Variants in SNRPA observed in about 807,000 individuals in gnomAD.
SNRPA encodes U1 small nuclear ribonucleoprotein A.
SNRPA carries 10 observed loss-of-function variants against 24.5 expected under a neutral mutation model. The ratio of observed to expected loss-of-function variants is 0.41; its 90% CI spans 0.25 to 0.69. The LOEUF (loss-of-function observed/expected upper bound fraction) is 0.69, where lower values mean the gene tolerates loss of function less well. Among genes scored for constraint, SNRPA ranks in the 30% least tolerant of loss-of-function variants. SNRPA has a pLI of 0.33. For missense variants in SNRPA, 283 were observed against 394.7 expected (o/e 0.72, Z 2.40); for synonymous variants, 165 against 148.4 (o/e 1.11, Z -0.81).
chr19:40,752,229 C>T (rs901788721), intron 1 of SNRPA, among the ~76,000 whole-genome samples: 29 of 151,610 alleles, frequency 1.9e-4, no homozygotes, highest in Admixed American at 3.9e-4. Context: ...CCCAGCTACT[C>T]GGGAGGCTGA....
At position 40,762,933 on chromosome 19, in the gene SNRPA, T is replaced by G. The variant is rs2082938892; in HGVS notation, c.459T>G (p.Ile153Met). 6.2e-7 allele frequency: 1 copy of G among 1,613,730 alleles called. No individual in the cohort carries two copies. Among genetic ancestry groups the G allele is most frequent in the African/African-American group, 1.3e-5 (1 of 74,894 alleles). ...CGCCGATGACTCAGGCGCCCCGCAT[T>G]ATGCACCACATGCCGGGCCAGCCGC... ...GMPPMTQAPR[I>M]MHHMPGQPPY... The change falls in exon 4 of 6, where the codon ATT becomes ATG. Residue 153 changes from isoleucine (I) to methionine (M), a missense_variant. By Grantham distance (10) the Ile-to-Met change is conservative (BLOSUM62 1). This residue lies in a region of SNRPA where 167 missense variants were observed against 174.3 expected (regional missense o/e 0.96). Coordinates refer to ENST00000243563, the MANE Select transcript of SNRPA (RefSeq NM_004596.5).
At chr19:40,752,294 G>A (rs1014894259) in intron 1 of SNRPA, among the ~76,000 whole-genome samples, 56 of 150,960 alleles carry the variant, frequency 3.7e-4, no homozygotes, top group African/African-American at 1.2e-3. Context: ...CCGAGATTGC[G>A]CCATTGAACT....
intron 3 of SNRPA, among the ~76,000 whole-genome samples, chr19:40,760,277 T>C (rs1047421554): frequency 8.5e-5 from 13 of 152,180 alleles, no homozygotes; most frequent in Admixed American, 7.9e-4. Flanking sequence ...AGTGCTAGGA[T>C]TACATGCATG....
In SNRPA at chr19:40,757,187, C is replaced by T. The variant is rs2082911999; in HGVS notation, c.74-145C>T. The T allele has an allele frequency of 5.7e-6, 4 of 706,420 alleles. No individual in the cohort carries two copies. The Admixed American group carries it at 8.1e-5, about 14-fold the overall frequency. The allele number at this position is 706,420 out of a possible 1,614,324, so 43.8% of individuals were successfully genotyped here. On this transcript the variant is annotated intron_variant, in intron 1 of 5. Transcript: ENST00000243563. ...GTGTACTTGGCCACTTGAGTGGTTCCTGGCTGCTTCTGTGATTGTTAGGTC... is the reference window on the plus strand; with the variant it reads ...GTGTACTTGGCCACTTGAGTGGTTCTTGGCTGCTTCTGTGATTGTTAGGTC...
chr19:40,757,730 C>T (rs2082914479), intron 2 of SNRPA, among the ~76,000 whole-genome samples: 1 of 151,764 alleles, frequency 6.6e-6, no homozygotes, highest in African/African-American at 2.4e-5. Context: ...ATTACCTGAG[C>T]TCAGGAGTTT....
At chr19:40,763,106 T>G in intron 4 of SNRPA, 32 bp downstream of exon 4, 1 of 1,497,138 alleles carries the variant, frequency 6.7e-7, no homozygotes, top group Non-Finnish European at 9.0e-7. Context: ...CCAGGTCTCA[T>G]ATAAATAGTG....
intron 3 of SNRPA, among the ~76,000 whole-genome samples, chr19:40,760,740 A>T (rs1052117627): frequency 6.6e-6 from 1 of 152,134 alleles, no homozygotes. Context: ...GGAGTTCAAG[A>T]CCAGCCTCTA....
At position 40,762,615 on chromosome 19, in the gene SNRPA, G is replaced by A. The variant is rs142205731; in HGVS notation, c.427-286G>A. Among the ~76,000 whole-genome samples, 1,018 of 152,252 alleles carry A rather than the reference G, an allele frequency of 6.7e-3. 5 individuals carry two copies. Among genetic ancestry groups the A allele is most frequent in the Admixed American group, 0.016 (248 of 15,286 alleles). On this transcript the variant is annotated intron_variant, in intron 3 of 5. Coordinates refer to ENST00000243563, the MANE Select transcript of SNRPA (RefSeq NM_004596.5). Reference sequence around the variant, plus strand: ...AGACAGGGTCTTGCTCTGCCTCCCAGGCTGGAGTGCTGTGGCACAATCAGA... The same window carrying A: ...AGACAGGGTCTTGCTCTGCCTCCCAAGCTGGAGTGCTGTGGCACAATCAGA...
At chr19:40,751,613 A>G (rs1045970722) in intron 1 of SNRPA, 132 bp downstream of exon 1, 5 of 726,904 alleles carry the variant, frequency 6.9e-6, no homozygotes, top group Non-Finnish European at 1.2e-5. Flanking sequence ...CCTTTACACA[A>G]ACTACTTCCT....
intron 1 of SNRPA, among the ~76,000 whole-genome samples, chr19:40,753,884 C>T (rs2082896594): frequency 6.6e-6 from 1 of 151,836 alleles, no homozygotes; most frequent in Admixed American, 6.6e-5. Context: ...GCAAGCTCTG[C>T]CTTGCCTCCT....
chr19:40,760,007 G>A (rs2082924849), intron 3 of SNRPA, among the ~76,000 whole-genome samples: 1 of 152,062 alleles, frequency 6.6e-6, no homozygotes, highest in Non-Finnish European at 1.5e-5. Context: ...AGGCAATATG[G>A]AAAAAAATTA....
At chr19:40,763,783 C>A in intron 5 of SNRPA, 108 bp downstream of exon 5, 1 of 939,326 alleles carries the variant, frequency 1.1e-6, no homozygotes, top group South Asian at 1.3e-5. Flanking sequence ...CCAAGTAGGG[C>A]TTTGCAGAAG....
At position 40,751,313 on chromosome 19, in the gene SNRPA, T is replaced by G; in HGVS notation, c.-96T>G. ...ACCTGACTTCCTTTTCGGAGGAAGA[T>G]CCTTGAGCAGCCGACGTTGGGACAA... On this transcript the variant is annotated 5_prime_UTR_variant, in exon 1 of 6. Transcript: ENST00000243563. 1.1e-6 allele frequency: 1 copy of G among 931,980 alleles called. No homozygotes were observed. The highest frequency in any genetic ancestry group is 1.7e-5 in the Admixed American group (1 of 58,518). 57.7% of individuals were successfully genotyped at this position (931,980 alleles called of 1,614,324 possible).
At chr19:40,760,827 T>C (rs1224249579) in intron 3 of SNRPA, among the ~76,000 whole-genome samples, 7 of 152,318 alleles carry the variant, frequency 4.6e-5, no homozygotes, top group African/African-American at 1.7e-4. Context: ...TAGTCCCAGC[T>C]GCTCAGGAGG....
At chr19:40,759,198 A>G (rs1323972900) in intron 2 of SNRPA, among the ~76,000 whole-genome samples, 2 of 145,294 alleles carry the variant, frequency 1.4e-5, no homozygotes, top group African/African-American at 2.5e-5. Flanking sequence ...GAGCAAGACA[A>G]TGTCTCAAAA....
intron 5 of SNRPA, 126 bp downstream of exon 5, chr19:40,763,801 G>T: frequency 1.3e-6 from 1 of 788,882 alleles, no homozygotes; most frequent in Admixed American, 2.0e-5. Flanking sequence ...AAGGGACAGC[G>T]ACCAAAGATG....
In SNRPA at chr19:40,765,219, C is replaced by T. The variant is rs978899208; in HGVS notation, c.*52C>T. On this transcript the variant is annotated 3_prime_UTR_variant, in exon 6 of 6. Transcript: ENST00000243563. Reference sequence around the variant, plus strand: ...TCCCCTGTTCTGGGGCCACCCCTTTCCCCCTTGGCTCAGCCCCCTGAAGGT... The same window carrying T: ...TCCCCTGTTCTGGGGCCACCCCTTTTCCCCTTGGCTCAGCCCCCTGAAGGT... The T allele has an allele frequency of 4.2e-5, 56 of 1,347,744 alleles. No individual in the cohort carries two copies. Among genetic ancestry groups the T allele is most frequent in the Non-Finnish European group, 5.4e-5 (55 of 1,021,600 alleles). 83.5% of individuals were successfully genotyped at this position (1,347,744 alleles called of 1,614,324 possible).
rs1010974029 is a variant in SNRPA, at chr19:40,752,004, T to A, written c.73+523T>A. ...TAACATTTAATTCTCACAACAATCT[T>A]GTAGGAAGAAGGCTATTGTTATTCC... On this transcript the variant is annotated intron_variant, in intron 1 of 5. Coordinates refer to ENST00000243563, the MANE Select transcript of SNRPA (RefSeq NM_004596.5). Among the ~76,000 whole-genome samples, 5 of 152,166 alleles carry A rather than the reference T, an allele frequency of 3.3e-5. No homozygotes were observed. The East Asian group carries it at 9.6e-4, about 29-fold the overall frequency.
At chr19:40,759,698 T>C in intron 3 of SNRPA, 88 bp downstream of exon 3, 6 of 1,234,348 alleles carry the variant, frequency 4.9e-6, no homozygotes, top group South Asian at 4.6e-5. Context: ...GGGAGAGTTC[T>C]CCCCTTGGGG....
Sources: allele counts gnomAD v4.1 joint callset (sites outside exome capture counted in the v4.1 genomes callset), GRCh38; gene constraint gnomAD v4.1.1; regional missense constraint gnomAD v4.1.1; transcripts MANE v1.5; gene names NCBI Gene and HGNC (gene_info 2026-07-23, HGNC 2026-07-21).